GSG1L2: variants seen among roughly 807,000 people sequenced by gnomAD.
GSG1L2 encodes germ cell-specific gene 1-like protein 2.
GSG1L2 carries 15 observed loss-of-function variants against 9.0 expected under a neutral mutation model. The ratio of observed to expected loss-of-function variants is 1.67; its 90% CI spans 1.12 to 2.57. The LOEUF (loss-of-function observed/expected upper bound fraction) is 2.57, where lower values mean the gene tolerates loss of function less well. Ranked by LOEUF, GSG1L2 falls within the 30% of genes most tolerant of loss-of-function variation. The pLI, the probability that GSG1L2 is intolerant of heterozygous loss-of-function variation, is 0.00. For missense variants in GSG1L2, 286 were observed against 150.3 expected, an observed-to-expected ratio of 1.90 and a Z score of -4.72; for synonymous variants, 127 against 57.9, an observed-to-expected ratio of 2.19 and a Z score of -5.41.
At chr17:9,814,401 T>A (rs528603977) in intron 1 of GSG1L2, among the ~76,000 whole-genome samples, 98 of 152,186 alleles carry the variant, frequency 6.4e-4, no homozygotes, top group Non-Finnish European at 1.2e-3. Context: ...CTTGTCTTTC[T>A]ACCTAATGCA....
rs549754142 is a variant in GSG1L2, at chr17:9,820,934, A to G, written c.310+828T>C. Among the ~76,000 whole-genome samples the G allele has an allele frequency of 2.6e-5, 4 of 152,262 alleles. No individual in the cohort carries two copies. The highest frequency in any genetic ancestry group is 9.6e-5 in the African/African-American group (4 of 41,548). On this transcript the variant is annotated intron_variant, in intron 1 of 4. Transcript: ENST00000399363. The surrounding 1 kb of genome is among the most constrained non-coding windows in gnomAD (Gnocchi z 4.9). ...TGTCTCAGCTTCCCAAAGTGCTAGG[A>G]TTATAGGAATGAGCCACCAGGCTGG...
chr17:9,806,935 T>C (rs2066518234), intron 4 of GSG1L2, among the ~76,000 whole-genome samples: 1 of 152,236 alleles, frequency 6.6e-6, no homozygotes, highest in Non-Finnish European at 1.5e-5. Context: ...GAACGTGTTA[T>C]GTGTTTTACA....
chr17:9,817,416 C>T (rs1389659160), intron 1 of GSG1L2, among the ~76,000 whole-genome samples: 2 of 143,246 alleles, frequency 1.4e-5, no homozygotes, highest in Non-Finnish European at 3.0e-5. Context: ...TTCCAGTTCT[C>T]TCCAACGAGG....
rs1597937887 is a variant in GSG1L2, at chr17:9,801,452, G to A, written c.*934C>T. ...GCTGGTCTCGAACTCCTGACCTCAA[G>A]TGATCTGTCTACCTCGGCCTCACAA... On this transcript the variant is annotated 3_prime_UTR_variant, in exon 5 of 5. Coordinates refer to ENST00000399363, the MANE Select transcript of GSG1L2 (RefSeq NM_001310219.2). Among the ~76,000 whole-genome samples, 1 of 152,006 alleles carries A rather than the reference G, an allele frequency of 6.6e-6. No individual in the cohort carries two copies. The highest frequency in any genetic ancestry group is 2.4e-5 in the African/African-American group (1 of 41,380).
chr17:9,807,843 G>C (rs1232335210), intron 3 of GSG1L2: 1 of 432,326 alleles, frequency 2.3e-6, no homozygotes, highest in Non-Finnish European at 4.3e-6. Context: ...TCCATGGCCT[G>C]GTTCCTTCCT....
chr17:9,813,972 T>C (rs960848098), intron 1 of GSG1L2, among the ~76,000 whole-genome samples: 2 of 152,044 alleles, frequency 1.3e-5, no homozygotes, highest in African/African-American at 4.8e-5. Context: ...GCTCGCTCTG[T>C]CGCCAGGGCT....
chr17:9,803,881 T>C (rs556640867), intron 4 of GSG1L2: 2 of 152,378 alleles, frequency 1.3e-5, no homozygotes, highest in East Asian at 1.9e-4. Context: ...TGAGTCCAGA[T>C]ACTGCTGGCT....
chr17:9,802,727 T>C lies in GSG1L2; in HGVS notation c.624-83A>G, dbSNP rs1376181136. 9.2e-6 allele frequency: 6 copies of C among 652,756 alleles called. No homozygotes were observed. In the Admixed American group the frequency reaches 1.5e-4, roughly 16 times the overall value. The allele number at this position is 652,756 out of a possible 1,614,324, so 40.4% of individuals were successfully genotyped here. On this transcript the variant is annotated intron_variant, in intron 4 of 4. Coordinates refer to ENST00000399363, the MANE Select transcript of GSG1L2 (RefSeq NM_001310219.2). ...GTTTTCTCCAGACTGGGGGTCAATC[T>C]GGAGAAAACAACAGCTCCTCGTTCT...
intron 1 of GSG1L2, among the ~76,000 whole-genome samples, chr17:9,814,775 C>T (rs1379603014): frequency 2.0e-5 from 3 of 152,174 alleles, no homozygotes; most frequent in South Asian, 2.1e-4. Flanking sequence ...CCGATCCCTC[C>T]GTACCTGACT....
At chr17:9,809,117 T>C (rs1386260729) in intron 2 of GSG1L2, 135 bp from the exon 3 acceptor site, 1 of 625,016 alleles carries the variant, frequency 1.6e-6, no homozygotes, top group Non-Finnish European at 2.9e-6. Context: ...CACAGATGCC[T>C]CTGCTGAATC....
intron 1 of GSG1L2, among the ~76,000 whole-genome samples, chr17:9,818,364 G>A (rs751684587): frequency 5.9e-5 from 9 of 152,010 alleles, no homozygotes; most frequent in East Asian, 1.9e-4. Flanking sequence ...ATGGAGTTTC[G>A]CTCTTGTTGC....
chr17:9,802,423 A>C lies in GSG1L2; in HGVS notation c.845T>G (p.Leu282Arg). ...EQAFRNVSGHLPPGAPGKVSI... is the reference protein window; with the variant it reads ...EQAFRNVSGHRPPGAPGKVSI... ...CACCTTGCCTGGGGCGCCTGGTGGGAGGTGTCCAGAAACATTCCTGAAGGC... is the reference window on the plus strand; with the variant it reads ...CACCTTGCCTGGGGCGCCTGGTGGGCGGTGTCCAGAAACATTCCTGAAGGC... The change falls in exon 5 of 5, where the codon CTC becomes CGC. Residue 282 changes from leucine to arginine, a missense_variant. Leu to Arg is a moderately radical substitution (Grantham distance 102, BLOSUM62 -2). Transcript: ENST00000399363. The C allele has an allele frequency of 1.4e-6, 1 of 690,868 alleles. No individual in the cohort carries two copies. Among genetic ancestry groups the C allele is most frequent in the Non-Finnish European group, 2.6e-6 (1 of 377,368 alleles). The allele number at this position is 690,868 out of a possible 1,614,324, so 42.8% of individuals were successfully genotyped here.
At chr17:9,811,926 G>GT (rs1388644112) in intron 1 of GSG1L2, among the ~76,000 whole-genome samples, 2 of 152,092 alleles carry the variant, frequency 1.3e-5, no homozygotes, top group African/African-American at 4.8e-5. Flanking sequence ...AGCAGAGCAT[G>GT]TTTTTTTCCC....
At chr17:9,813,553 C>T (rs1210555669) in intron 1 of GSG1L2, among the ~76,000 whole-genome samples, 2 of 152,222 alleles carry the variant, frequency 1.3e-5, no homozygotes, top group African/African-American at 2.4e-5. Context: ...AGCAGTATCA[C>T]GGTCACAGAG....
rs1276936071 is a variant in GSG1L2, at chr17:9,802,363, G to A, written c.*23C>T. 1.6e-6 allele frequency: 1 copy of A among 629,880 alleles called. No individual in the cohort carries two copies. Among genetic ancestry groups the A allele is most frequent in the African/African-American group, 1.8e-5 (1 of 54,920 alleles). 39.0% of individuals were successfully genotyped at this position (629,880 alleles called of 1,614,324 possible). A position where few individuals can be genotyped will look rare whatever the true frequency, so the allele number is the denominator to read the frequency against. On this transcript the variant is annotated 3_prime_UTR_variant, in exon 5 of 5. Transcript: ENST00000399363. ...AGTGCCTGGCTTGTTTGCCTGTGCG[G>A]ATGTGGCAGCCATGGACACTGGCTA...
intron 2 of GSG1L2, 83 bp from the exon 3 acceptor site, chr17:9,809,065 T>G (rs2066527897): frequency 9.0e-6 from 6 of 665,382 alleles, no homozygotes; most frequent in Admixed American, 2.2e-5. Context: ...TTTAGTTCAC[T>G]TCTAAACAAA....
At chr17:9,818,283 G>C (rs1217270137) in intron 1 of GSG1L2, among the ~76,000 whole-genome samples, 1 of 152,104 alleles carries the variant, frequency 6.6e-6, no homozygotes, top group Non-Finnish European at 1.5e-5. Flanking sequence ...GTGGGAGCAA[G>C]AGAGAGAAGG....
rs1256836429 is a variant in GSG1L2 at position 9,820,652 on chromosome 17, T to C, written c.310+1110A>G. ...GGAAGGGAGGGACATACAGCACCTC[T>C]GAGTGTTCCTTTTTTTTTTTTTTTA... On this transcript the variant is annotated intron_variant, in intron 1 of 4. Transcript: ENST00000399363. The surrounding 1 kb of genome is among the most constrained non-coding windows in gnomAD (Gnocchi z 4.9). Among the ~76,000 whole-genome samples the C allele has an allele frequency of 7.7e-6, 1 of 130,254 alleles. No homozygotes were observed. Among genetic ancestry groups the C allele is most frequent in the Non-Finnish European group, 1.6e-5 (1 of 63,670 alleles). 85.5% of individuals were successfully genotyped at this position (130,254 alleles called of 152,430 possible).
intron 1 of GSG1L2, among the ~76,000 whole-genome samples, chr17:9,816,453 T>C (rs373656632): frequency 7.7e-6 from 1 of 129,410 alleles, no homozygotes; most frequent in Admixed American, 7.8e-5. Context: ...TGCGTGTGTC[T>C]GTGTGTGCGT....
Sources: gnomAD v4.1 joint callset for allele counts (sites outside exome capture counted in the v4.1 genomes callset) on GRCh38, gnomAD v4.1.1 for gene constraint, Gnocchi (gnomAD v3.1) non-coding constraint, MANE v1.5 for transcripts, NCBI Gene and HGNC (gene_info 2026-07-23, HGNC 2026-07-21) for gene names.